The following CDCA8 variants were observed in gnomAD, a reference collection of about 807,000 sequenced individuals.
CDCA8 encodes the protein borealin.
Under a neutral mutation model 40.0 loss-of-function variants are expected in CDCA8, and 25 were observed. The observed-to-expected ratio is 0.63, with a 90% CI of 0.46 to 0.87. CDCA8 has a LOEUF of 0.87. CDCA8 is among the 40% of genes least tolerant of loss of function. The pLI is 0.00. For synonymous variants in CDCA8, 111 were observed against 126.5 expected, an observed-to-expected ratio of 0.88 and a Z score of 0.82; for missense variants, 280 against 348.4, an observed-to-expected ratio of 0.80 and a Z score of 1.56.
At chr1:37,693,799 C>A (rs951311232) in intron 2 of CDCA8, among the ~76,000 whole-genome samples, 3 of 152,082 alleles carry the variant, frequency 2.0e-5, no homozygotes, top group Non-Finnish European at 2.9e-5. Context: ...GAAGAATAAC[C>A]CGAAGCAGCT....
Position 37,708,333 on chromosome 1 carries a change from C to T in CDCA8, c.810C>T (p.Ala270=). The change falls in exon 10 of 10, where the codon GCC becomes GCT. Residue 270 remains alanine (A), a synonymous_variant. Coordinates refer to ENST00000373055, the MANE Select transcript of CDCA8 (RefSeq NM_001256875.2). ...CCTTTTCTTTTTAGAACCGTCTCGC[C>T]CAAATCTGCAGCAGCATACGGACCC... ...GNIKKLSNRL[A]QICSSIRTHK The T allele has an allele frequency of 6.2e-7, 1 of 1,614,042 alleles. No individual in the cohort carries two copies. The highest frequency in any genetic ancestry group is 8.5e-7 in the Non-Finnish European group (1 of 1,180,002).
intron 7 of CDCA8, 24 bp from the exon 8 acceptor site, chr1:37,705,417 T>C: frequency 6.2e-7 from 1 of 1,608,728 alleles, no homozygotes; most frequent in Non-Finnish European, 8.5e-7. Context: ...CCAAGCTATC[T>C]TCACAGAGAT....
chr1:37,694,136 G>A (rs778671339), intron 2 of CDCA8, among the ~76,000 whole-genome samples: 10 of 151,896 alleles, frequency 6.6e-5, no homozygotes, highest in African/African-American at 1.9e-4. Flanking sequence ...GTGAAACTCC[G>A]TCTCAAAAAA....
At position 37,703,353 on chromosome 1, in the gene CDCA8, T is replaced by C. The variant is rs1167083844; in HGVS notation, c.584+6T>C. 3.1e-6 allele frequency: 5 copies of C among 1,600,420 alleles called. No individual in the cohort carries two copies. Among genetic ancestry groups the C allele is most frequent in the Admixed American group, 1.7e-5 (1 of 59,964 alleles). On this transcript the variant is annotated splice_donor_region_variant and intron_variant, in intron 7 of 9. Coordinates refer to ENST00000373055, the MANE Select transcript of CDCA8 (RefSeq NM_001256875.2). ...ACACCCAGGTTTGACTCAAGGTGAG[T>C]ATCGAGGGAAACACTTGGATTTGAT...
rs559182880 is a variant in CDCA8 at position 37,702,033 on chromosome 1, C to T, written c.488+215C>T. The stretch of plus-strand genomic sequence containing the variant: ...CTTTAATGTACATTCTCTATCCTTC[C>T]CCACTTTTTTTTTTTTTTTTTTTTG... On this transcript the variant is annotated intron_variant, in intron 6 of 9. Coordinates refer to ENST00000373055, the MANE Select transcript of CDCA8 (RefSeq NM_001256875.2). Among the ~76,000 whole-genome samples the T allele has an allele frequency of 2.1e-5, 3 of 141,432 alleles. No homozygotes were observed. In the South Asian group the frequency reaches 6.7e-4, roughly 32 times the overall value. 92.8% of individuals were successfully genotyped at this position (141,432 alleles called of 152,430 possible).
At chr1:37,705,965 A>G (rs993204991) in intron 8 of CDCA8, among the ~76,000 whole-genome samples, 3 of 151,212 alleles carry the variant, frequency 2.0e-5, no homozygotes, top group African/African-American at 4.9e-5. Flanking sequence ...ACACGCCATC[A>G]TGCCCAGCTA....
intron 9 of CDCA8, 59 bp from the exon 10 acceptor site, chr1:37,708,263 C>T (rs1645616210): frequency 1.3e-6 from 2 of 1,536,314 alleles, no homozygotes; most frequent in South Asian, 2.2e-5. Flanking sequence ...TGTGGGAGGC[C>T]AAGGGGCAAG....
rs1645528842 is a variant in CDCA8, at chr1:37,696,623, A to G, written c.264+673A>G. ...AAAGTTTTATGAGACAGCATTGGGA[A>G]CTAGTCCATACATGGGCTTCACAGA... On this transcript the variant is annotated intron_variant, in intron 3 of 9. Transcript: ENST00000373055. This position sits in a 1 kb window ranked among gnomAD's most constrained non-coding sequence, Gnocchi z 5.0. Among the ~76,000 whole-genome samples, 1 of 152,250 alleles carries G rather than the reference A, an allele frequency of 6.6e-6. No homozygotes were observed. The highest frequency in any genetic ancestry group is 1.5e-5 in the Non-Finnish European group (1 of 68,038).
At chr1:37,702,037 C>CTTT (rs34220599) in intron 6 of CDCA8, among the ~76,000 whole-genome samples, 66 of 119,014 alleles carry the variant, frequency 5.5e-4, no homozygotes, top group African/African-American at 1.5e-3. Flanking sequence ...TCCTTCCCCA[C>CTTT]TTTTTTTTTT....
At chr1:37,699,195 G>A (rs538348733) in intron 4 of CDCA8, among the ~76,000 whole-genome samples, 1 of 152,208 alleles carries the variant, frequency 6.6e-6, no homozygotes, top group African/African-American at 2.4e-5. Context: ...TTTTAGGCAG[G>A]ACTGCTAAAA....
intron 7 of CDCA8, 58 bp downstream of exon 7, chr1:37,703,405 GAGA>G: frequency 8.0e-7 from 1 of 1,244,404 alleles, no homozygotes; most frequent in Admixed American, 1.7e-5. Context: ...GCACTACCCA[GAGA>G]AGGAGTGTCT....
intron 3 of CDCA8, among the ~76,000 whole-genome samples, chr1:37,698,101 T>C (rs1322251425): frequency 1.3e-5 from 2 of 152,324 alleles, no homozygotes; most frequent in Non-Finnish European, 2.9e-5. Context: ...AAAACCTTAT[T>C]GAGACCCTGT....
At chr1:37,695,526 G>A (rs1645521049) in intron 2 of CDCA8, among the ~76,000 whole-genome samples, 1 of 152,016 alleles carries the variant, frequency 6.6e-6, no homozygotes, top group Non-Finnish European at 1.5e-5. Flanking sequence ...CCAGGAGACA[G>A]CCAAGGAGGC....
At position 37,696,943 on chromosome 1, in the gene CDCA8, C is replaced by G. The variant is rs1288120158; in HGVS notation, c.264+993C>G. ...GAGAGAGGTGGGGATTATTCACCCC[C>G]CTACATACACTGAGCTCCAATGTTT... On this transcript the variant is annotated intron_variant, in intron 3 of 9. Coordinates refer to ENST00000373055, the MANE Select transcript of CDCA8 (RefSeq NM_001256875.2). The surrounding 1 kb of genome is among the most constrained non-coding windows in gnomAD (Gnocchi z 5.0). Among the ~76,000 whole-genome samples, 1 of 152,124 alleles carries G rather than the reference C, an allele frequency of 6.6e-6. No individual in the cohort carries two copies. The highest frequency in any genetic ancestry group is 1.5e-5 in the Non-Finnish European group (1 of 68,008).
intron 8 of CDCA8, among the ~76,000 whole-genome samples, chr1:37,706,189 C>T (rs944235653): frequency 1.3e-5 from 2 of 150,648 alleles, no homozygotes; most frequent in Admixed American, 6.6e-5. Context: ...CTCACTGCAA[C>T]CTCTGCCTCC....
At chr1:37,694,360 C>A (rs1645512859) in intron 2 of CDCA8, among the ~76,000 whole-genome samples, 1 of 152,306 alleles carries the variant, frequency 6.6e-6, no homozygotes, top group South Asian at 2.1e-4. Context: ...TTTTGACTTG[C>A]CCTTTTATTT....
chr1:37,694,105 A>G (rs1265355027), intron 2 of CDCA8, among the ~76,000 whole-genome samples: 2 of 152,122 alleles, frequency 1.3e-5, no homozygotes, highest in Non-Finnish European at 2.9e-5. Context: ...ACGCCATTGC[A>G]CTCCAGCCTG....
chr1:37,694,103 G>A (rs1440176004), intron 2 of CDCA8, among the ~76,000 whole-genome samples: 2 of 152,154 alleles, frequency 1.3e-5, no homozygotes, highest in African/African-American at 4.8e-5. Context: ...GCACGCCATT[G>A]CACTCCAGCC....
Position 37,696,019 on chromosome 1 carries a change from T to C in CDCA8, c.264+69T>C. 1 of 1,356,126 alleles carries C rather than the reference T, an allele frequency of 7.4e-7. No individual in the cohort carries two copies. Among genetic ancestry groups the C allele is most frequent in the Non-Finnish European group, 1.1e-6 (1 of 950,352 alleles). 84.0% of individuals were successfully genotyped at this position (1,356,126 alleles called of 1,614,324 possible). On this transcript the variant is annotated intron_variant, in intron 3 of 9. Coordinates refer to ENST00000373055, the MANE Select transcript of CDCA8 (RefSeq NM_001256875.2). This position sits in a 1 kb window ranked among gnomAD's most constrained non-coding sequence, Gnocchi z 5.0. ...TAGTCCAGTCCCCAGATCCAACTAATAGATGCTTACTGTGGAAGAGGTTTC... is the reference window on the plus strand; with the variant it reads ...TAGTCCAGTCCCCAGATCCAACTAACAGATGCTTACTGTGGAAGAGGTTTC...
Sources: gnomAD v4.1 joint callset for allele counts (sites outside exome capture counted in the v4.1 genomes callset) on GRCh38, gnomAD v4.1.1 for gene constraint, Gnocchi (gnomAD v3.1) non-coding constraint, MANE v1.5 for transcripts, NCBI Gene and HGNC (gene_info 2026-07-23, HGNC 2026-07-21) for gene names.